The following VAV3 variants were observed in gnomAD, a reference collection of about 807,000 sequenced individuals.
The protein encoded by VAV3 is guanine nucleotide exchange factor VAV3.
In VAV3, 94 loss-of-function variants were observed where a neutral mutation model predicts 131.2. The observed-to-expected ratio is 0.72, with a 90% CI of 0.61 to 0.85. The LOEUF (loss-of-function observed/expected upper bound fraction) is 0.85, where lower values mean the gene tolerates loss of function less well. Ranked by LOEUF, VAV3 falls within the 40% of genes least tolerant of loss-of-function variation. The probability of loss-of-function intolerance (pLI) is 0.00; values close to 1 mark genes in which losing one functional copy is unlikely to be tolerated. For synonymous variants in VAV3, 349 were observed against 342.0 expected (o/e 1.02, Z -0.22); for missense variants, 939 against 1,002.7 (o/e 0.94, Z 0.86).
At chr1:107,857,223 C>G (rs923161100) in intron 2 of VAV3, among the ~76,000 whole-genome samples, 8 of 152,094 alleles carry the variant, frequency 5.3e-5, no homozygotes, top group Non-Finnish European at 1.2e-4. Context: ...GGCAGAAAAA[C>G]ACGAAAAGGC....
chr1:107,694,110 T>C (rs1659604228), intron 17 of VAV3, among the ~76,000 whole-genome samples: 3 of 152,170 alleles, frequency 2.0e-5, no homozygotes, highest in Admixed American at 2.0e-4. Context: ...TTAAAGCCAA[T>C]GGGACCTGGG....
intron 11 of VAV3, among the ~76,000 whole-genome samples, chr1:107,757,045 A>C (rs1664139830): frequency 6.6e-6 from 1 of 152,006 alleles, no homozygotes; most frequent in African/African-American, 2.4e-5. Context: ...AGTAAAAAAA[A>C]AAAAATCCAG....
intron 11 of VAV3, 106 bp downstream of exon 11, chr1:107,757,151 ATATG>A (rs954818044): frequency 2.6e-4 from 153 of 579,490 alleles, no homozygotes; most frequent in African/African-American, 1.2e-3. Flanking sequence ...ATATGTGTGT[ATATG>A]TGTGTGTGTG....
rs1189393415 is a variant in VAV3, at chr1:107,902,583, T to C, written c.205-27566A>G. On this transcript the variant is annotated intron_variant, in intron 1 of 26. Transcript: ENST00000370056. ...TTCTCCATAATATGCATTTATTCTT[T>C]ACATTGATTTATGATTTTGTTTTGT... 3.3e-5 allele frequency among the ~76,000 whole-genome samples: 5 copies of C among 152,336 alleles called. No individual in the cohort carries two copies. The South Asian group carries it at 1.0e-3, about 32-fold the overall frequency.
chr1:107,744,014 G>A (rs182202809), intron 15 of VAV3, among the ~76,000 whole-genome samples: 89 of 152,304 alleles, frequency 5.8e-4, no homozygotes, highest in African/African-American at 2.1e-3. Context: ...GATTTGTGGA[G>A]CTTAACGGCT....
At chr1:107,698,260 T>C (rs987805946) in intron 17 of VAV3, among the ~76,000 whole-genome samples, 24 of 152,184 alleles carry the variant, frequency 1.6e-4, no homozygotes, top group Non-Finnish European at 2.8e-4. Context: ...AACTAGACTT[T>C]AATATTTGAA....
intron 1 of VAV3, among the ~76,000 whole-genome samples, chr1:107,939,881 A>G (rs1673902692): frequency 6.6e-6 from 1 of 152,090 alleles, no homozygotes; most frequent in Non-Finnish European, 1.5e-5. Flanking sequence ...AGAAGCCCAG[A>G]GGAGGAAGAG....
chr1:107,714,574 CAAGT>C (rs1158066974), intron 15 of VAV3, among the ~76,000 whole-genome samples: 2 of 151,926 alleles, frequency 1.3e-5, no homozygotes, highest in Admixed American at 6.6e-5. Flanking sequence ...TTAAATCCTC[CAAGT>C]AAGTATGAAA....
intron 1 of VAV3, among the ~76,000 whole-genome samples, chr1:107,885,185 C>A (rs543532135): frequency 1.3e-5 from 2 of 152,178 alleles, no homozygotes; most frequent in South Asian, 4.2e-4. Flanking sequence ...AGGAGGGGAG[C>A]TGGGGTTTTT....
chr1:107,712,608 G>A (rs1660852550), intron 15 of VAV3, among the ~76,000 whole-genome samples: 1 of 152,186 alleles, frequency 6.6e-6, no homozygotes, highest in Non-Finnish European at 1.5e-5. Context: ...GACCGAATAT[G>A]TGCAAGGACT....
chr1:107,679,507 C>G (rs926975618), intron 19 of VAV3, among the ~76,000 whole-genome samples: 9 of 152,114 alleles, frequency 5.9e-5, no homozygotes, highest in African/African-American at 2.2e-4. Context: ...TGACTGTAGG[C>G]TTAAATGCAG....
intron 11 of VAV3, 148 bp downstream of exon 11, chr1:107,757,113 A>ATG (rs1194297065): frequency 4.1e-6 from 2 of 489,874 alleles, no homozygotes; most frequent in Non-Finnish European, 6.9e-6. Context: ...TATTTTATTT[A>ATG]TGTGTATATA....
intron 15 of VAV3, among the ~76,000 whole-genome samples, chr1:107,735,858 G>A (rs1023959582): frequency 2.0e-5 from 3 of 152,066 alleles, no homozygotes; most frequent in African/African-American, 7.2e-5. Flanking sequence ...ATTTTATGAG[G>A]TCAGCATCAT....
chr1:107,932,691 T>C (rs1673500477), intron 1 of VAV3, among the ~76,000 whole-genome samples: 1 of 152,156 alleles, frequency 6.6e-6, no homozygotes, highest in African/African-American at 2.4e-5. Flanking sequence ...TAATCACAAC[T>C]GTCTTTATAA....
intron 15 of VAV3, among the ~76,000 whole-genome samples, chr1:107,726,109 C>CA (rs1473013415): frequency 6.6e-6 from 1 of 152,110 alleles, no homozygotes; most frequent in Non-Finnish European, 1.5e-5. Flanking sequence ...TAATGTGTGA[C>CA]AGCCTACCTT....
intron 19 of VAV3, among the ~76,000 whole-genome samples, chr1:107,662,832 A>T (rs1445133544): frequency 4.6e-5 from 7 of 152,174 alleles, no homozygotes; most frequent in African/African-American, 1.7e-4. Flanking sequence ...ACCTTATCCA[A>T]CTCCAGCAGT....
At position 107,805,093 on chromosome 1, in the gene VAV3, T is replaced by C. The variant is rs955193913; in HGVS notation, c.322-25601A>G. 2.3e-4 allele frequency among the ~76,000 whole-genome samples: 35 copies of C among 152,288 alleles called. 1 individual carries two copies. Among genetic ancestry groups the C allele is most frequent in the African/African-American group, 8.4e-4 (35 of 41,568 alleles). On this transcript the variant is annotated intron_variant, in intron 2 of 26. Transcript: ENST00000370056. The stretch of plus-strand genomic sequence containing the variant: ...TTTTCTCTTTCTGCTTTTAAAATCC[T>C]TTCTTTGTCCTTGACCTTTGAGAGT...
At chr1:107,962,297 A>C (rs747428733) in intron 1 of VAV3, among the ~76,000 whole-genome samples, 4 of 151,908 alleles carry the variant, frequency 2.6e-5, no homozygotes, top group African/African-American at 4.9e-5. Flanking sequence ...CACTACAGCT[A>C]GAACCTTTCC....
intron 2 of VAV3, among the ~76,000 whole-genome samples, chr1:107,827,110 T>C (rs1416507504): frequency 6.6e-6 from 1 of 152,198 alleles, no homozygotes; most frequent in Non-Finnish European, 1.5e-5. Flanking sequence ...GTATTTTTAG[T>C]TTTATCTACC....
Sources: allele counts gnomAD v4.1 joint callset (sites outside exome capture counted in the v4.1 genomes callset), GRCh38; gene constraint gnomAD v4.1.1; transcripts MANE v1.5; gene names NCBI Gene and HGNC (gene_info 2026-07-23, HGNC 2026-07-21).